Variants in IGF2BP2 observed in about 807,000 individuals in gnomAD.
IGF2BP2 encodes insulin like growth factor 2 mRNA binding protein 2, also known as insulin-like growth factor 2 mRNA-binding protein 2.
Under a neutral mutation model 75.8 loss-of-function variants are expected in IGF2BP2, and 17 were observed. The observed-to-expected ratio is 0.22, with a 90% CI of 0.15 to 0.34. The LOEUF (loss-of-function observed/expected upper bound fraction) is 0.34. Ranked by LOEUF, IGF2BP2 falls within the 10% of genes least tolerant of loss-of-function variation. The pLI is 1.00. For missense variants in IGF2BP2, 516 were observed against 772.4 expected, an observed-to-expected ratio of 0.67 and a Z score of 3.93; for synonymous variants, 288 against 295.6, an observed-to-expected ratio of 0.97 and a Z score of 0.26.
intron 2 of IGF2BP2, among the ~76,000 whole-genome samples, chr3:185,791,953 G>A (rs1401337024): frequency 6.6e-6 from 1 of 152,202 alleles, no homozygotes; most frequent in African/African-American, 2.4e-5. Flanking sequence ...GATCTTCTAG[G>A]ACGGTAACAT....
Position 185,689,455 on chromosome 3 carries a change from C to T in IGF2BP2, c.577G>A (p.Asp193Asn). The change falls in exon 6 of 16, where the codon GAT (aspartate) becomes AAT (asparagine). Residue 193 changes from aspartate to asparagine, a missense_variant. Physicochemically the swap from Asp to Asn is conservative, Grantham distance 23. Transcript: ENST00000382199. ...GGGACCAGGATCCGCAGCGGGAAATCAATCTGTCTGGCCTGAGAAGTGCCC... is the reference window on the plus strand; with the variant it reads ...GGGACCAGGATCCGCAGCGGGAAATTAATCTGTCTGGCCTGAGAAGTGCCC... ...PGGTSQARQI[D>N]FPLRILVPTQ... is the part of the protein sequence containing the mutation. 1.9e-6 allele frequency: 3 copies of T among 1,613,834 alleles called. No individual in the cohort carries two copies. The highest frequency in any genetic ancestry group is 2.5e-6 in the Non-Finnish European group (3 of 1,179,856).
At chr3:185,797,449 T>A (rs1399909359) in intron 2 of IGF2BP2, among the ~76,000 whole-genome samples, 1 of 152,222 alleles carries the variant, frequency 6.6e-6, no homozygotes, top group East Asian at 1.9e-4. Flanking sequence ...CATCTGAAGA[T>A]CCTCTCCTAG....
chr3:185,707,937 G>A lies in IGF2BP2; in HGVS notation c.240-9590C>T, dbSNP rs117958560. Among the ~76,000 whole-genome samples, 28 of 152,230 alleles carry A rather than the reference G, an allele frequency of 1.8e-4. No homozygotes were observed. In the East Asian group the frequency reaches 3.9e-3, roughly 21 times the overall value. Reference sequence around the variant, plus strand: ...CTTCGCTGAACACTATCTTTTCCCCGTTTCTCAATTTATTTTATTTGATGA... The same window carrying A: ...CTTCGCTGAACACTATCTTTTCCCCATTTCTCAATTTATTTTATTTGATGA... On this transcript the variant is annotated intron_variant, in intron 2 of 15. Coordinates refer to ENST00000382199, the MANE Select transcript of IGF2BP2 (RefSeq NM_006548.6).
chr3:185,785,349 C>G (rs1433194199), intron 2 of IGF2BP2, among the ~76,000 whole-genome samples: 2 of 150,038 alleles, frequency 1.3e-5, no homozygotes, highest in Non-Finnish European at 3.0e-5. Context: ...TTATATGGAG[C>G]TTTCGGGGTA....
At chr3:185,653,986 C>T (rs946039460) in intron 12 of IGF2BP2, among the ~76,000 whole-genome samples, 2 of 152,170 alleles carry the variant, frequency 1.3e-5, no homozygotes, top group Non-Finnish European at 2.9e-5. Flanking sequence ...AATTTTGTTT[C>T]CTCTCAGTGT....
At chr3:185,810,360 GA>G (rs1260739425) in intron 2 of IGF2BP2, among the ~76,000 whole-genome samples, 4 of 152,128 alleles carry the variant, frequency 2.6e-5, no homozygotes. Flanking sequence ...CTTAAATACA[GA>G]AAAGTGCAGC....
intron 2 of IGF2BP2, among the ~76,000 whole-genome samples, chr3:185,769,148 G>T (rs1284132483): frequency 6.6e-6 from 1 of 152,252 alleles, no homozygotes; most frequent in Non-Finnish European, 1.5e-5. Flanking sequence ...TTTGAGATCA[G>T]CCTGGGCAAC....
chr3:185,812,055 T>C (rs112151197), intron 2 of IGF2BP2, among the ~76,000 whole-genome samples: 7 of 152,186 alleles, frequency 4.6e-5, no homozygotes, highest in Non-Finnish European at 8.8e-5. Flanking sequence ...AAATCATGTA[T>C]GTAGGACTGA....
At chr3:185,649,292 C>T in intron 14 of IGF2BP2, 111 bp downstream of exon 14, 1 of 1,396,030 alleles carries the variant, frequency 7.2e-7, no homozygotes, top group South Asian at 1.4e-5. Context: ...CTGCCAAAGA[C>T]CCTGACTGTA....
At chr3:185,776,687 T>C (rs539691680) in intron 2 of IGF2BP2, among the ~76,000 whole-genome samples, 30 of 151,712 alleles carry the variant, frequency 2.0e-4, no homozygotes, top group Non-Finnish European at 3.2e-4. Context: ...GTCATGGGAG[T>C]TGAAGGTAAC....
chr3:185,715,058 G>A (rs1248184960), intron 2 of IGF2BP2, among the ~76,000 whole-genome samples: 1 of 152,230 alleles, frequency 6.6e-6, no homozygotes, highest in African/African-American at 2.4e-5. Context: ...GAGGGTGCCT[G>A]AGGGGCAAGA....
At chr3:185,768,984 G>A (rs534479224) in intron 2 of IGF2BP2, among the ~76,000 whole-genome samples, 17 of 152,272 alleles carry the variant, frequency 1.1e-4, no homozygotes, top group African/African-American at 2.2e-4. Context: ...CTGAGATTAC[G>A]CCACTGCACT....
intron 2 of IGF2BP2, among the ~76,000 whole-genome samples, chr3:185,751,216 C>T (rs1470524153): frequency 6.6e-6 from 1 of 152,148 alleles, no homozygotes; most frequent in Non-Finnish European, 1.5e-5. Flanking sequence ...ATTATAAAAT[C>T]ATACATATAG....
chr3:185,733,027 A>C (rs1233142830), intron 2 of IGF2BP2, among the ~76,000 whole-genome samples: 1 of 151,972 alleles, frequency 6.6e-6, no homozygotes, highest in Admixed American at 6.6e-5. Flanking sequence ...CTTCCACTAT[A>C]CTGCATTCTC....
intron 2 of IGF2BP2, among the ~76,000 whole-genome samples, chr3:185,730,427 T>C (rs1374990394): frequency 2.1e-5 from 3 of 144,430 alleles, no homozygotes; most frequent in Non-Finnish European, 4.6e-5. Flanking sequence ...AGCGCAGGTG[T>C]CTTTTTTTTT....
chr3:185,690,089 T>C (rs1721746178), intron 5 of IGF2BP2, among the ~76,000 whole-genome samples: 1 of 152,118 alleles, frequency 6.6e-6, no homozygotes, highest in African/African-American at 2.4e-5. Flanking sequence ...ACAGACACCA[T>C]CTCTGCTCCC....
intron 7 of IGF2BP2, among the ~76,000 whole-genome samples, chr3:185,683,223 G>A (rs1410423092): frequency 6.6e-6 from 1 of 152,164 alleles, no homozygotes; most frequent in African/African-American, 2.4e-5. Context: ...ACCTATATGA[G>A]GTATGTAGAG....
At chr3:185,680,835 G>C (rs1246104813) in intron 7 of IGF2BP2, among the ~76,000 whole-genome samples, 2 of 151,468 alleles carry the variant, frequency 1.3e-5, no homozygotes, top group Admixed American at 6.6e-5. Context: ...AGAAAGAAGG[G>C]GGGGGAACTA....
chr3:185,719,327 A>T (rs184216670), intron 2 of IGF2BP2, among the ~76,000 whole-genome samples: 20 of 152,348 alleles, frequency 1.3e-4, no homozygotes, highest in African/African-American at 4.8e-4. Context: ...GAACAGTAGT[A>T]TGAAAGACAA....
Sources: gnomAD v4.1 joint callset for allele counts (sites outside exome capture counted in the v4.1 genomes callset) on GRCh38, gnomAD v4.1.1 for gene constraint, MANE v1.5 for transcripts, NCBI Gene and HGNC (gene_info 2026-07-23, HGNC 2026-07-21) for gene names.